The following LRFN5 variants were observed in gnomAD, a reference collection of about 807,000 sequenced individuals.
LRFN5 encodes the protein leucine rich repeat and fibronectin type III domain containing 5, also known as leucine-rich repeat and fibronectin type-III domain-containing protein 5.
Under a neutral mutation model 45.6 loss-of-function variants are expected in LRFN5, and 24 were observed. The observed-to-expected ratio is 0.53, with a 90% CI of 0.38 to 0.74. LRFN5 has a LOEUF of 0.74. LRFN5 is among the 30% of genes least tolerant of loss of function. LRFN5 has a pLI of 0.00. For synonymous variants in LRFN5, 340 were observed against 313.8 expected (o/e 1.08, Z -0.88); for missense variants, 776 against 861.5 (o/e 0.90, Z 1.24).
chr14:41,681,020 TAG>T (rs1881860291), intron 1 of LRFN5, among the ~76,000 whole-genome samples: 1 of 151,842 alleles, frequency 6.6e-6, no homozygotes, highest in Admixed American at 6.6e-5. Flanking sequence ...ATTGATCAAG[TAG>T]AAGAAGGGAT....
intron 1 of LRFN5, among the ~76,000 whole-genome samples, chr14:41,732,419 G>T (rs2138796551): frequency 6.6e-6 from 1 of 152,168 alleles, no homozygotes; most frequent in African/African-American, 2.4e-5. Context: ...CATTTTGGGA[G>T]CCAGACATTG....
chr14:41,618,842 A>G (rs1034718033), intron 1 of LRFN5, among the ~76,000 whole-genome samples: 2 of 152,144 alleles, frequency 1.3e-5, no homozygotes, highest in Admixed American at 1.3e-4. Context: ...ATGCCCCTCA[A>G]TCCATGGATT....
At chr14:41,890,551 C>CA (rs1220336368) in intron 3 of LRFN5, among the ~76,000 whole-genome samples, 4 of 151,578 alleles carry the variant, frequency 2.6e-5, no homozygotes, top group East Asian at 4.0e-4. Flanking sequence ...ACTAAAAATA[C>CA]AAAAAATTAG....
chr14:41,737,230 A>G (rs1229206852), intron 1 of LRFN5, among the ~76,000 whole-genome samples: 1 of 152,210 alleles, frequency 6.6e-6, no homozygotes, highest in Non-Finnish European at 1.5e-5. Context: ...ACATTACATA[A>G]ACAGAACCAA....
At chr14:41,769,451 T>TTA (rs1886001381) in intron 2 of LRFN5, among the ~76,000 whole-genome samples, 1 of 152,188 alleles carries the variant, frequency 6.6e-6, no homozygotes, top group African/African-American at 2.4e-5. Flanking sequence ...AATGTGCCTG[T>TTA]AGGTACATGC....
intron 1 of LRFN5, among the ~76,000 whole-genome samples, chr14:41,650,266 C>CACACACACACACAA (rs1247683262): frequency 2.9e-4 from 39 of 135,522 alleles, no homozygotes; most frequent in Middle Eastern, 3.7e-3. Context: ...CACACACACA[C>CACACACACACACAA]AAAAAAAAAA....
intron 1 of LRFN5, among the ~76,000 whole-genome samples, chr14:41,611,752 G>A (rs1485855794): frequency 2.6e-5 from 4 of 152,058 alleles, no homozygotes; most frequent in African/African-American, 4.8e-5. Context: ...CCTTGTTTTT[G>A]AAATATGAGA....
intron 2 of LRFN5, among the ~76,000 whole-genome samples, chr14:41,859,678 TCAAA>T (rs757800172): frequency 6.6e-6 from 1 of 152,194 alleles, no homozygotes. Context: ...CAGAAAACAC[TCAAA>T]CATTCTCCAA....
At chr14:41,724,434 A>G (rs1566637794) in intron 1 of LRFN5, among the ~76,000 whole-genome samples, 1 of 152,180 alleles carries the variant, frequency 6.6e-6, no homozygotes, top group Non-Finnish European at 1.5e-5. Context: ...ACATTAGGAT[A>G]TTTATATGTC....
At chr14:41,714,163 A>T (rs1430555758) in intron 1 of LRFN5, among the ~76,000 whole-genome samples, 1 of 152,192 alleles carries the variant, frequency 6.6e-6, no homozygotes, top group Non-Finnish European at 1.5e-5. Flanking sequence ...TAAGATTTTT[A>T]AAAGTGCTTA....
At position 41,779,032 on chromosome 14, in the gene LRFN5, A is replaced by G. The variant is rs377116775; in HGVS notation, c.-21+12003A>G. Among the ~76,000 whole-genome samples, 87 of 151,916 alleles carry G rather than the reference A, an allele frequency of 5.7e-4. 2 individuals carry two copies. In the South Asian group the frequency reaches 0.017, roughly 30 times the overall value. ...TATTATACTAGTTCAGACTGCCATT[A>G]TACTGTTAATAGGAATGCTGAGAGG... On this transcript the variant is annotated intron_variant, in intron 2 of 5. Coordinates refer to ENST00000298119, the MANE Select transcript of LRFN5 (RefSeq NM_152447.5).
At chr14:41,729,066 G>T (rs1284251741) in intron 1 of LRFN5, among the ~76,000 whole-genome samples, 3 of 152,132 alleles carry the variant, frequency 2.0e-5, no homozygotes, top group African/African-American at 7.2e-5. Flanking sequence ...AGTTTTTGCA[G>T]TTAATCAATC....
At chr14:41,671,318 A>C (rs548153197) in intron 1 of LRFN5, among the ~76,000 whole-genome samples, 46 of 152,266 alleles carry the variant, frequency 3.0e-4, no homozygotes, top group African/African-American at 1.0e-3. Flanking sequence ...CTTTAATCTA[A>C]AAGTGAAGGG....
intron 1 of LRFN5, among the ~76,000 whole-genome samples, chr14:41,721,911 C>CTCTTTA (rs1883731632): frequency 6.6e-6 from 1 of 152,018 alleles, no homozygotes; most frequent in Admixed American, 6.6e-5. Context: ...GGATGTTTAC[C>CTCTTTA]TCTTTAGCAA....
rs894428055 is a variant in LRFN5, at chr14:41,866,487, T to C, written c.-20-20119T>C. On this transcript the variant is annotated intron_variant, in intron 2 of 5. Transcript: ENST00000298119. ...TAAAATCACTGGCAGAGAAGAAGTT[T>C]CACCCCGAGTTATGGTATATCCGAA... Among the ~76,000 whole-genome samples the C allele has an allele frequency of 8.5e-5, 13 of 152,116 alleles. No individual in the cohort carries two copies. The East Asian group carries it at 9.7e-4, about 11-fold the overall frequency.
chr14:41,674,061 G>A (rs1305990663), intron 1 of LRFN5, among the ~76,000 whole-genome samples: 2 of 150,288 alleles, frequency 1.3e-5, no homozygotes, highest in Admixed American at 1.3e-4. Flanking sequence ...TGGGGCGGCT[G>A]GCTGGGCGGG....
chr14:41,835,052 C>A (rs1888615383), intron 2 of LRFN5, among the ~76,000 whole-genome samples: 1 of 150,652 alleles, frequency 6.6e-6, no homozygotes, highest in African/African-American at 2.4e-5. Context: ...TCTTAGAAGC[C>A]CAAAGAATGA....
chr14:41,623,645 G>A (rs532344172), intron 1 of LRFN5, among the ~76,000 whole-genome samples: 1 of 152,188 alleles, frequency 6.6e-6, no homozygotes, highest in South Asian at 2.1e-4. Context: ...ATAAAGCTGT[G>A]TGAGAACATT....
chr14:41,776,738 CTG>C (rs1886306120), intron 2 of LRFN5, among the ~76,000 whole-genome samples: 1 of 151,916 alleles, frequency 6.6e-6, no homozygotes, highest in Non-Finnish European at 1.5e-5. Context: ...ATTTATTTTG[CTG>C]TGTGTGCGTG....
Sources: allele counts gnomAD v4.1 joint callset (sites outside exome capture counted in the v4.1 genomes callset), GRCh38; gene constraint gnomAD v4.1.1; transcripts MANE v1.5; gene names NCBI Gene and HGNC (gene_info 2026-07-23, HGNC 2026-07-21).